Variants in GRIK2 observed in about 807,000 individuals in gnomAD.
GRIK2 encodes the protein glutamate ionotropic receptor kainate type subunit 2.
A neutral mutation model predicts 100.3 loss-of-function variants in GRIK2; 32 were observed. The observed-to-expected ratio is 0.32, with a 90% CI of 0.24 to 0.43. The LOEUF (loss-of-function observed/expected upper bound fraction) is 0.43, where lower values mean the gene tolerates loss of function less well. Among genes scored for constraint, GRIK2 ranks in the 20% least tolerant of loss-of-function variants. GRIK2 has a pLI of 1.00. For missense variants in GRIK2, 843 were observed against 1,114.9 expected (o/e 0.76, Z 3.47); for synonymous variants, 417 against 389.4 (o/e 1.07, Z -0.83).
intron 4 of GRIK2, among the ~76,000 whole-genome samples, chr6:101,658,666 C>T (rs918714502): frequency 6.6e-6 from 1 of 151,964 alleles, no homozygotes; most frequent in Non-Finnish European, 1.5e-5. Flanking sequence ...ATTGCTATTT[C>T]CCACATCCTC....
intron 8 of GRIK2, among the ~76,000 whole-genome samples, chr6:101,800,829 A>G (rs572758038): frequency 1.3e-5 from 2 of 152,198 alleles, no homozygotes; most frequent in East Asian, 3.9e-4. Flanking sequence ...TTCTGAACTC[A>G]GCACTAGATT....
rs565094928 is a variant in GRIK2 at position 101,462,037 on chromosome 6, C to A, written c.115+62645C>A. Among the ~76,000 whole-genome samples the A allele has an allele frequency of 6.6e-5, 10 of 152,190 alleles. No homozygotes were observed. The South Asian group carries it at 1.9e-3, about 28-fold the overall frequency. On this transcript the variant is annotated intron_variant, in intron 2 of 16. Transcript: ENST00000369134. ...CTAGTTTCGTATACTTTAATGTGAT[C>A]TTGGGGAATTTATGTAACCTATCTG...
At chr6:101,635,334 T>C (rs555788672) in intron 4 of GRIK2, among the ~76,000 whole-genome samples, 1 of 152,068 alleles carries the variant, frequency 6.6e-6, no homozygotes, top group African/African-American at 2.4e-5. Flanking sequence ...TCATAAAAAT[T>C]TTTTTAGAAA....
intron 7 of GRIK2, among the ~76,000 whole-genome samples, chr6:101,794,849 A>T (rs919504114): frequency 2.0e-5 from 3 of 151,516 alleles, no homozygotes; most frequent in African/African-American, 7.3e-5. Flanking sequence ...CATTTTGTGT[A>T]ATAGTTGCTT....
At chr6:101,479,314 G>T (rs1772407294) in intron 2 of GRIK2, among the ~76,000 whole-genome samples, 1 of 152,046 alleles carries the variant, frequency 6.6e-6, no homozygotes, top group Non-Finnish European at 1.5e-5. Flanking sequence ...AGTGATATTT[G>T]TTAGATGGTT....
At chr6:101,708,218 C>T (rs1443940016) in intron 7 of GRIK2, among the ~76,000 whole-genome samples, 5 of 151,712 alleles carry the variant, frequency 3.3e-5, no homozygotes, top group African/African-American at 7.3e-5. Flanking sequence ...ACACCATAAA[C>T]TCTACAATAT....
Position 101,806,362 on chromosome 6 carries a change from G to A in GRIK2, c.1203+3924G>A, listed in dbSNP as rs192460113. Among the ~76,000 whole-genome samples, 71 of 152,032 alleles carry A rather than the reference G, an allele frequency of 4.7e-4. 2 individuals carry two copies. In the Middle Eastern group the frequency reaches 0.031, roughly 66 times the overall value. On this transcript the variant is annotated intron_variant, in intron 9 of 16. Coordinates refer to ENST00000369134, the MANE Select transcript of GRIK2 (RefSeq NM_021956.5). Reference sequence around the variant, plus strand: ...AATCCATTCATCTCTCACCACATCCGTTGCTGAATCATAACCATAGTACCT... The same window carrying A: ...AATCCATTCATCTCTCACCACATCCATTGCTGAATCATAACCATAGTACCT...
In GRIK2 at chr6:101,859,476, C is replaced by T. The variant is rs1312199028; in HGVS notation, c.1507C>T (p.Arg503Cys). 1.3e-6 allele frequency: 2 copies of T among 1,592,186 alleles called. No homozygotes were observed. Among genetic ancestry groups the T allele is most frequent in the Non-Finnish European group, 1.7e-6 (2 of 1,161,978 alleles). ...CAATGGACAATGGAATGGAATGGTT[C>T]GTGAACTAATTGATCATGTAAGTCC... ...DANGQWNGMV[R>C]ELIDHKADLA... The change falls in exon 11 of 17, where the codon CGT becomes TGT. Residue 503 changes from arginine (R) to cysteine (C), a missense_variant. Arg to Cys is a radical substitution (Grantham distance 180, BLOSUM62 -3). Transcript: ENST00000369134.
intron 2 of GRIK2, among the ~76,000 whole-genome samples, chr6:101,436,075 T>C (rs1213069959): frequency 6.6e-6 from 1 of 152,188 alleles, no homozygotes; most frequent in Admixed American, 6.6e-5. Flanking sequence ...GTTAGCGTAA[T>C]CTTGCCTATA....
In GRIK2 at chr6:101,799,120, T is replaced by G. The variant is rs1478306602; in HGVS notation, c.952-528T>G. On this transcript the variant is annotated intron_variant, in intron 7 of 16. Coordinates refer to ENST00000369134, the MANE Select transcript of GRIK2 (RefSeq NM_021956.5). ...GAAGAAAAAGATCAGGGTTTATATC[T>G]TTTTAAAGCTAAAAGATTAAAACAA... 2.6e-5 allele frequency among the ~76,000 whole-genome samples: 4 copies of G among 152,172 alleles called. No homozygotes were observed. The South Asian group carries it at 6.2e-4, about 24-fold the overall frequency.
chr6:101,599,699 T>C (rs897886875), intron 2 of GRIK2, among the ~76,000 whole-genome samples: 2 of 151,820 alleles, frequency 1.3e-5, no homozygotes, highest in Admixed American at 6.6e-5. Flanking sequence ...TGACCACATG[T>C]ATGTCTTCTT....
intron 2 of GRIK2, among the ~76,000 whole-genome samples, chr6:101,550,163 C>T (rs902827370): frequency 1.3e-5 from 2 of 152,160 alleles, no homozygotes; most frequent in Non-Finnish European, 2.9e-5. Flanking sequence ...AATAGGAGAC[C>T]TTAATTTTTA....
chr6:101,475,426 A>C (rs1396553733), intron 2 of GRIK2, among the ~76,000 whole-genome samples: 1 of 152,024 alleles, frequency 6.6e-6, no homozygotes, highest in African/African-American at 2.4e-5. Flanking sequence ...GTTTAAAAGG[A>C]ATTAGGCTAA....
chr6:101,675,777 A>G (rs1770789968), intron 4 of GRIK2, among the ~76,000 whole-genome samples: 1 of 152,144 alleles, frequency 6.6e-6, no homozygotes, highest in Admixed American at 6.6e-5. Context: ...GTGTGCAGGT[A>G]TATTTACTTT....
intron 4 of GRIK2, among the ~76,000 whole-genome samples, chr6:101,645,980 T>C (rs1020544489): frequency 9.2e-5 from 14 of 152,070 alleles, no homozygotes; most frequent in Middle Eastern, 6.8e-3. Context: ...CGCCACCTAG[T>C]GCTTTGGACA....
At chr6:101,479,376 T>G (rs191288768) in intron 2 of GRIK2, among the ~76,000 whole-genome samples, 49 of 152,274 alleles carry the variant, frequency 3.2e-4, no homozygotes, top group South Asian at 2.1e-3. Context: ...TTACTTATAT[T>G]TTAAGATTAA....
chr6:101,655,232 C>T (rs1310543836), intron 4 of GRIK2, among the ~76,000 whole-genome samples: 3 of 152,096 alleles, frequency 2.0e-5, no homozygotes, highest in Admixed American at 6.6e-5. Flanking sequence ...TAGGTTTGAA[C>T]ACATGGATTG....
At chr6:101,762,259 CAAACTCCTGTGCTCG>C (rs2128392527) in intron 7 of GRIK2, among the ~76,000 whole-genome samples, 1 of 151,990 alleles carries the variant, frequency 6.6e-6, no homozygotes, top group Non-Finnish European at 1.5e-5. Flanking sequence ...ATTGCAGCCT[CAAACTCCTGTGCTCG>C]AATGATCCTC....
intron 10 of GRIK2, among the ~76,000 whole-genome samples, chr6:101,837,297 T>C (rs1256411335): frequency 6.6e-6 from 1 of 152,156 alleles, no homozygotes; most frequent in Non-Finnish European, 1.5e-5. Context: ...AGTCGTGTGA[T>C]GAGTAAGTTC....
Sources: gnomAD v4.1 joint callset for allele counts (sites outside exome capture counted in the v4.1 genomes callset) on GRCh38, gnomAD v4.1.1 for gene constraint, MANE v1.5 for transcripts, NCBI Gene and HGNC (gene_info 2026-07-23, HGNC 2026-07-21) for gene names.